CSMD2: variants seen among roughly 807,000 people sequenced by gnomAD.
CSMD2 encodes the protein CUB and sushi domain-containing protein 2.
CSMD2 carries 130 observed loss-of-function variants against 398.5 expected under a neutral mutation model. The ratio of observed to expected loss-of-function variants is 0.33; its 90% confidence interval spans 0.28 to 0.38. CSMD2 has a LOEUF of 0.38. Ranked by LOEUF, CSMD2 falls within the 10% of genes least tolerant of loss-of-function variation. The probability of loss-of-function intolerance (pLI) is 1.00; values close to 1 mark genes in which losing one functional copy is unlikely to be tolerated. For synonymous variants in CSMD2, 1,828 were observed against 1,908.5 expected (o/e 0.96, Z 1.10); for missense variants, 3,829 against 4,764.9 (o/e 0.80, Z 5.78).
intron 5 of CSMD2, chr1:33,861,138 A>G (rs867449976): frequency 6.6e-6 from 1 of 152,242 alleles, no homozygotes; most frequent in Non-Finnish European, 1.5e-5. Flanking sequence ...CATATTAAGC[A>G]TTATATAAAT....
At chr1:33,684,032 C>G (rs910744260) in intron 25 of CSMD2, among the ~76,000 whole-genome samples, 4 of 152,222 alleles carry the variant, frequency 2.6e-5, no homozygotes, top group Non-Finnish European at 5.9e-5. Flanking sequence ...TCTGCCTCCT[C>G]TGGGCCAGCT....
rs78995250 is a variant in CSMD2 at position 33,873,160 on chromosome 1, C to T, written c.921-26164G>A. Among the ~76,000 whole-genome samples, 223 of 152,326 alleles carry T rather than the reference C, an allele frequency of 1.5e-3. 2 individuals are homozygous for T. The East Asian group carries it at 0.034, about 23-fold the overall frequency. ...TACCCAAGAGCCTCATCCACACCTG[C>T]ACCTGATTTAGATGATGAGATCCTG... On this transcript the variant is annotated intron_variant, in intron 5 of 70. Transcript: ENST00000373381.
At chr1:34,025,324 G>A (rs1649500960) in intron 3 of CSMD2, among the ~76,000 whole-genome samples, 1 of 152,174 alleles carries the variant, frequency 6.6e-6, no homozygotes, top group African/African-American at 2.4e-5. Context: ...CTCCCCTTTG[G>A]GAGGGGAGAT....
chr1:33,889,983 A>G (rs1167546285), intron 5 of CSMD2, among the ~76,000 whole-genome samples: 1 of 152,126 alleles, frequency 6.6e-6, no homozygotes, highest in Non-Finnish European at 1.5e-5. Flanking sequence ...ACTTAAACAC[A>G]TACACACACA....
At chr1:33,848,167 C>T (rs566063838) in intron 5 of CSMD2, among the ~76,000 whole-genome samples, 4 of 152,200 alleles carry the variant, frequency 2.6e-5, no homozygotes, top group African/African-American at 9.6e-5. Flanking sequence ...AGGTGAGGGC[C>T]GACTATGGGG....
At position 33,743,401 on chromosome 1, in the gene CSMD2, G is replaced by A. The variant is rs1647150072; in HGVS notation, c.2052C>T (p.Val684=). 1 of 1,614,074 alleles carries A rather than the reference G, an allele frequency of 6.2e-7. No homozygotes were observed. The highest frequency in any genetic ancestry group is 8.5e-7 in the Non-Finnish European group (1 of 1,180,032). Residue 684 remains valine, a synonymous_variant, in exon 14 of 71, where the codon GTC becomes GTT. Transcript: ENST00000373381. Reference sequence around the variant, plus strand: ...GCTGGTTTCCTGAGAAGGTGCCCAGGACGGGCGCCTCGGCGGTGGCCCCAT... The same window carrying A: ...GCTGGTTTCCTGAGAAGGTGCCCAGAACGGGCGCCTCGGCGGTGGCCCCAT... ...IKDGATAEAP[V]LGTFSGNQLP...
At chr1:33,657,398 C>T (rs1346417013) in intron 27 of CSMD2, among the ~76,000 whole-genome samples, 1 of 152,152 alleles carries the variant, frequency 6.6e-6, no homozygotes, top group Non-Finnish European at 1.5e-5. Context: ...CACTTGAGCT[C>T]AGGAGGTCAA....
intron 3 of CSMD2, among the ~76,000 whole-genome samples, chr1:34,016,318 C>T (rs12059227): frequency 0.1 from 15,415 of 151,744 alleles, 873 homozygotes; most frequent in East Asian, 0.19. Context: ...CCCCCACCCC[C>T]AATAGGCCCT....
chr1:33,847,478 A>G (rs1208036101), intron 5 of CSMD2, among the ~76,000 whole-genome samples: 2 of 151,890 alleles, frequency 1.3e-5, no homozygotes, highest in African/African-American at 2.4e-5. Context: ...CACCAGTGTG[A>G]CCTTGGACCT....
At chr1:33,717,443 G>A (rs1343709319) in intron 19 of CSMD2, among the ~76,000 whole-genome samples, 1 of 151,972 alleles carries the variant, frequency 6.6e-6, no homozygotes, top group East Asian at 1.9e-4. Context: ...AAGACAGCAG[G>A]CACTTAATGC....
At chr1:33,591,231 G>A (rs375303434) in intron 44 of CSMD2, among the ~76,000 whole-genome samples, 100 of 151,936 alleles carry the variant, frequency 6.6e-4, no homozygotes, top group South Asian at 5.8e-3. Context: ...CAGGTGATCC[G>A]CCCACCTTGG....
chr1:33,716,147 C>T lies in CSMD2; in HGVS notation c.3217+139G>A, dbSNP rs1037723681. On this transcript the variant is annotated intron_variant, in intron 20 of 70. Transcript: ENST00000373381. The stretch of plus-strand genomic sequence containing the variant: ...TTGGGTCTAACCCAAGCATCTTTTG[C>T]TGAAGCACTAAGGTCAACTTCCCAG... 5 of 685,876 alleles carry T rather than the reference C, an allele frequency of 7.3e-6. No individual in the cohort carries two copies. The African/African-American group carries it at 9.0e-5, about 12-fold the overall frequency. 42.5% of individuals were successfully genotyped at this position (685,876 alleles called of 1,614,324 possible).
chr1:33,872,455 A>G (rs1640544747), intron 5 of CSMD2, among the ~76,000 whole-genome samples: 1 of 152,154 alleles, frequency 6.6e-6, no homozygotes, highest in Admixed American at 6.5e-5. Context: ...GGTATTATTC[A>G]GTCATACAAA....
At chr1:33,951,042 C>T (rs1481018657) in intron 3 of CSMD2, among the ~76,000 whole-genome samples, 1 of 152,216 alleles carries the variant, frequency 6.6e-6, no homozygotes, top group African/African-American at 2.4e-5. Context: ...CCCAATTTCT[C>T]TTTCCCCTTG....
chr1:33,634,758 G>T (rs1175436774), intron 31 of CSMD2, among the ~76,000 whole-genome samples: 1 of 152,090 alleles, frequency 6.6e-6, no homozygotes, highest in Non-Finnish European at 1.5e-5. Context: ...CCAGGCTTTG[G>T]TTCTCAGATG....
intron 2 of CSMD2, among the ~76,000 whole-genome samples, chr1:34,077,267 C>T (rs764221788): frequency 6.6e-6 from 1 of 151,336 alleles, no homozygotes; most frequent in Non-Finnish European, 1.5e-5. Flanking sequence ...ACCATCTTGG[C>T]TAACACGGTG....
rs752622300 is a variant in CSMD2 at position 33,864,739 on chromosome 1, T to G, written c.921-17743A>C. 14 of 1,606,348 alleles carry G rather than the reference T, an allele frequency of 8.7e-6. No individual in the cohort carries two copies. The Admixed American group carries it at 1.3e-4, about 15-fold the overall frequency. ...AGAAACCGGTGCAGAGGGAAAAGAG[T>G]CAGGCAGAGCTGATGGATCCAGTTT... On this transcript the variant is annotated intron_variant, in intron 5 of 70. Transcript: ENST00000373381.
chr1:34,063,098 T>C (rs1654709598), intron 2 of CSMD2, among the ~76,000 whole-genome samples: 1 of 152,120 alleles, frequency 6.6e-6, no homozygotes, highest in South Asian at 2.1e-4. Context: ...ACCGCCCCCG[T>C]GATTCAAATT....
At chr1:33,973,429 A>G (rs1298503116) in intron 3 of CSMD2, among the ~76,000 whole-genome samples, 2 of 152,202 alleles carry the variant, frequency 1.3e-5, no homozygotes, top group Non-Finnish European at 2.9e-5. Context: ...TCACTCATTC[A>G]TTCAGATATT....
Sources: allele counts gnomAD v4.1 joint callset (sites outside exome capture counted in the v4.1 genomes callset), GRCh38; gene constraint gnomAD v4.1.1; transcripts MANE v1.5; gene names NCBI Gene and HGNC (gene_info 2026-07-23, HGNC 2026-07-21).